EPN2: variants seen among roughly 807,000 people sequenced by gnomAD.
EPN2 encodes the protein epsin 2, also known as epsin-2.
EPN2 carries 34 observed loss-of-function variants against 61.7 expected under a neutral mutation model. The ratio of observed to expected loss-of-function variants is 0.55; its 90% CI spans 0.42 to 0.73. The LOEUF is 0.73. Ranked by LOEUF, EPN2 falls within the 30% of genes least tolerant of loss-of-function variation. The pLI, the probability that EPN2 is intolerant of heterozygous loss-of-function variation, is 0.00. For missense variants in EPN2, 714 were observed against 839.2 expected (o/e 0.85, Z 1.84); for synonymous variants, 349 against 353.6 (o/e 0.99, Z 0.15).
rs938251361 is a variant in EPN2, at chr17:19,329,079, CTT to C, written c.1324+194_1324+195del. ...GAGTGAGTGAGTGCGAGTTCCCAGG[CTT>C]TGTGCGCTGGTACCTCCCTCCAAAT... On this transcript the variant is annotated intron_variant, in intron 8 of 10. Coordinates refer to ENST00000314728, the MANE Select transcript of EPN2 (RefSeq NM_014964.5). The C allele has an allele frequency of 1.9e-5, 10 of 537,706 alleles. No individual in the cohort carries two copies. The Admixed American group carries it at 2.8e-4, about 15-fold the overall frequency. 33.3% of individuals were successfully genotyped at this position (537,706 alleles called of 1,614,324 possible).
intron 7 of EPN2, among the ~76,000 whole-genome samples, chr17:19,323,084 G>C (rs1478229119): frequency 1.3e-5 from 2 of 152,228 alleles, no homozygotes; most frequent in Non-Finnish European, 2.9e-5. Context: ...GCTGTCACAA[G>C]CTTGCTGGGT....
Position 19,335,497 on chromosome 17 carries a change from T to A in EPN2, c.*1243T>A, listed in dbSNP as rs1412085479. On this transcript the variant is annotated 3_prime_UTR_variant, in exon 11 of 11. Transcript: ENST00000314728. ...TGTGTGTCTGTGATCTCCTCTGTCT[T>A]AATCCACGCTCAGGCTAAAGATGGG... 1.3e-6 allele frequency: 2 copies of A among 1,542,386 alleles called. No individual in the cohort carries two copies. The highest frequency in any genetic ancestry group is 4.9e-5 in the East Asian group (2 of 40,812).
At chr17:19,255,929 G>A (rs899441247) in intron 1 of EPN2, among the ~76,000 whole-genome samples, 1 of 151,568 alleles carries the variant, frequency 6.6e-6, no homozygotes, top group Non-Finnish European at 1.5e-5. Context: ...AATCCCTCCT[G>A]TTTTTTATTT....
intron 7 of EPN2, among the ~76,000 whole-genome samples, chr17:19,317,514 G>A (rs920224461): frequency 3.3e-5 from 5 of 152,108 alleles, no homozygotes; most frequent in Admixed American, 2.0e-4. Context: ...CCACCCCCCC[G>A]CGTTGTGACT....
In EPN2 at chr17:19,317,598, A is replaced by C. The variant is rs535210113; in HGVS notation, c.1147+4319A>C. ...GGCTGGCGGGTGGGAGGCGACCGGG[A>C]CACAGGCTCCCTGTGAATGGGCCCC... On this transcript the variant is annotated intron_variant, in intron 7 of 10. Transcript: ENST00000314728. 2.6e-5 allele frequency among the ~76,000 whole-genome samples: 4 copies of C among 152,326 alleles called. No individual in the cohort carries two copies. In the East Asian group the frequency reaches 7.7e-4, roughly 29 times the overall value.
rs565743369 is a variant in EPN2, at chr17:19,294,755, G to T, written c.766+8965G>T. ...GTCCCAAATCCTGGGCCACACCTTTGCCACACTTCTCAAATGAGAATCTCT... is the reference window on the plus strand; with the variant it reads ...GTCCCAAATCCTGGGCCACACCTTTTCCACACTTCTCAAATGAGAATCTCT... On this transcript the variant is annotated intron_variant, in intron 4 of 10. Coordinates refer to ENST00000314728, the MANE Select transcript of EPN2 (RefSeq NM_014964.5). 9.9e-5 allele frequency among the ~76,000 whole-genome samples: 15 copies of T among 152,184 alleles called. No individual in the cohort carries two copies. In the East Asian group the frequency reaches 2.5e-3, roughly 25 times the overall value.
At chr17:19,318,001 CT>C (rs1906467706) in intron 7 of EPN2, among the ~76,000 whole-genome samples, 1 of 152,232 alleles carries the variant, frequency 6.6e-6, no homozygotes, top group African/African-American at 2.4e-5. Flanking sequence ...GGCCACGGGA[CT>C]TTGTATGTGT....
chr17:19,260,484 T>TA (rs1221477361), intron 1 of EPN2, among the ~76,000 whole-genome samples: 2 of 152,164 alleles, frequency 1.3e-5, no homozygotes, highest in African/African-American at 4.8e-5. Context: ...AATGGGCTCT[T>TA]ACACGGGTTG....
intron 4 of EPN2, among the ~76,000 whole-genome samples, chr17:19,302,064 G>T (rs1477280077): frequency 6.6e-6 from 1 of 152,224 alleles, no homozygotes; most frequent in African/African-American, 2.4e-5. Flanking sequence ...CTCATCAGTG[G>T]GAAGGGTTGG....
chr17:19,239,426 A>G (rs2152196241), intron 1 of EPN2, among the ~76,000 whole-genome samples: 1 of 152,372 alleles, frequency 6.6e-6, no homozygotes, highest in Middle Eastern at 3.4e-3. Flanking sequence ...TGCTGGGATT[A>G]CAGGCGTGAG....
Position 19,329,569 on chromosome 17 carries a change from G to A in EPN2, c.1333G>A (p.Glu445Lys). Residue 445 changes from glutamate (E) to lysine (K), a missense_variant, in exon 9 of 11, where the codon GAG becomes AAG. Physicochemically the swap from Glu to Lys is moderately conservative, Grantham distance 56. This residue lies in a region of EPN2 where 410 missense variants were observed against 421.8 expected (regional missense o/e 0.97). Coordinates refer to ENST00000314728, the MANE Select transcript of EPN2 (RefSeq NM_014964.5). The part of the protein sequence containing the change: ...TKPVSVSGSF[E>K]LFSNLNGTIK... ...CTTCTGTGTCCACCCAGGGTCCTTT[G>A]AGCTCTTCAGTAATCTGAATGGTAC... is the stretch of plus-strand genomic sequence containing the variant. The A allele has an allele frequency of 2.5e-6, 4 of 1,610,750 alleles. No individual in the cohort carries two copies. Among genetic ancestry groups the A allele is most frequent in the African/African-American group, 2.7e-5 (2 of 74,920 alleles).
At chr17:19,302,395 A>T (rs186849812) in intron 4 of EPN2, among the ~76,000 whole-genome samples, 188 of 152,220 alleles carry the variant, frequency 1.2e-3, no homozygotes, top group Non-Finnish European at 2.1e-3. Flanking sequence ...CTGTATTTAT[A>T]GCCGCTCCCC....
At chr17:19,278,904 T>C (rs1465681058) in intron 1 of EPN2, among the ~76,000 whole-genome samples, 2 of 152,224 alleles carry the variant, frequency 1.3e-5, no homozygotes, top group Non-Finnish European at 2.9e-5. Context: ...CCCAGAGTGC[T>C]GGGATTACAG....
At position 19,309,140 on chromosome 17, in the gene EPN2, CTCTT is replaced by C. The variant is rs1234491182; in HGVS notation, c.767-743_767-740del. Among the ~76,000 whole-genome samples the C allele has an allele frequency of 3.4e-5, 5 of 147,940 alleles. No homozygotes were observed. The East Asian group carries it at 6.0e-4, about 18-fold the overall frequency. On this transcript the variant is annotated intron_variant, in intron 4 of 10. Transcript: ENST00000314728. ...TAACACTACGAGAGACAAAGGTCAA[CTCTT>C]TTTTTTTTTTTTTTTTTGAGACGGA... is the stretch of plus-strand genomic sequence containing the variant.
At chr17:19,306,088 T>A (rs1905827621) in intron 4 of EPN2, 1 of 152,214 alleles carries the variant, frequency 6.6e-6, no homozygotes, top group Admixed American at 6.5e-5. Flanking sequence ...CGTTCTTCCT[T>A]CCAGTGAGTG....
In EPN2 at chr17:19,334,138, GCCACTGGTT is replaced by G. The variant is rs1325665003; in HGVS notation, c.1813_1821del (p.Thr605_Ser607del). On this transcript the variant is annotated inframe_deletion, in exon 11 of 11. Transcript: ENST00000314728. This position sits in a 1 kb window ranked among gnomAD's most constrained non-coding sequence, Gnocchi z 4.9. ...CGCGGCCCCACAGCCAGCTCTGGGG[GCCACTGGTT>G]CCTCTCTGACACCACTGGGCCCTGC... 1 of 1,605,224 alleles carries G rather than the reference GCCACTGGTT, an allele frequency of 6.2e-7. No homozygotes were observed. Among genetic ancestry groups the G allele is most frequent in the South Asian group, 1.1e-5 (1 of 89,264 alleles).
intron 1 of EPN2, among the ~76,000 whole-genome samples, chr17:19,237,782 G>C (rs1184204455): frequency 6.6e-6 from 1 of 151,764 alleles, no homozygotes; most frequent in Non-Finnish European, 1.5e-5. Flanking sequence ...CCGCTGCAAG[G>C]ATCTCCCCCC....
chr17:19,313,424 A>G (rs1906242208), intron 7 of EPN2, 145 bp downstream of exon 7: 1 of 621,064 alleles, frequency 1.6e-6, no homozygotes, highest in Non-Finnish European at 2.5e-6. Flanking sequence ...GTGATATCCA[A>G]CTGGCCCTTG....
chr17:19,256,408 G>GGA (rs1330984063), intron 1 of EPN2, among the ~76,000 whole-genome samples: 2 of 137,468 alleles, frequency 1.5e-5, no homozygotes, highest in Admixed American at 7.4e-5. Context: ...CAACATAGCA[G>GGA]GACCCTGTCT....
Sources: gnomAD v4.1 joint callset for allele counts (sites outside exome capture counted in the v4.1 genomes callset) on GRCh38, gnomAD v4.1.1 for gene constraint, gnomAD v4.1.1 regional missense constraint, Gnocchi (gnomAD v3.1) non-coding constraint, MANE v1.5 for transcripts, NCBI Gene and HGNC (gene_info 2026-07-23, HGNC 2026-07-21) for gene names.